ERC2: variants seen among roughly 807,000 people sequenced by gnomAD.
ERC2 encodes ELKS/RAB6-interacting/CAST family member 2.
Under a neutral mutation model 114.8 loss-of-function variants are expected in ERC2, and 42 were observed. The ratio of observed to expected loss-of-function variants is 0.37; its 90% CI spans 0.29 to 0.47. The LOEUF is 0.47. Ranked by LOEUF, ERC2 falls within the 20% of genes least tolerant of loss-of-function variation. ERC2 has a pLI of 0.99. For synonymous variants in ERC2, 454 were observed against 425.5 expected (o/e 1.07, Z -0.82); for missense variants, 939 against 1,150.7 (o/e 0.82, Z 2.66).
chr3:56,261,379 T>C (rs1176319852), intron 3 of ERC2, among the ~76,000 whole-genome samples: 1 of 152,234 alleles, frequency 6.6e-6, no homozygotes, highest in Non-Finnish European at 1.5e-5. Flanking sequence ...CACTGTCTAG[T>C]GGACAGTCAA....
chr3:56,191,324 A>C (rs182957540), intron 3 of ERC2, among the ~76,000 whole-genome samples: 1 of 152,236 alleles, frequency 6.6e-6, no homozygotes, highest in East Asian at 1.9e-4. Flanking sequence ...CCCCTGGAGG[A>C]GGCACACTGC....
At chr3:56,290,058 T>G (rs1472349363) in intron 3 of ERC2, among the ~76,000 whole-genome samples, 2 of 152,194 alleles carry the variant, frequency 1.3e-5, no homozygotes, top group Non-Finnish European at 2.9e-5. Flanking sequence ...AAATTGCCAC[T>G]GATACTCCCA....
At chr3:56,202,623 A>C (rs531071134) in intron 3 of ERC2, among the ~76,000 whole-genome samples, 40 of 152,134 alleles carry the variant, frequency 2.6e-4, no homozygotes, top group African/African-American at 8.9e-4. Context: ...ATACATTGTG[A>C]AATGATTGTC....
At chr3:55,952,136 A>AACACACACAC (rs778299355) in intron 12 of ERC2, among the ~76,000 whole-genome samples, 24 of 75,422 alleles carry the variant, frequency 3.2e-4, no homozygotes, top group African/African-American at 6.0e-4. Context: ...CCATCTCTAA[A>AACACACACAC]ACACACACAC....
intron 14 of ERC2, among the ~76,000 whole-genome samples, chr3:55,836,024 T>C (rs977600562): frequency 1.3e-5 from 2 of 150,746 alleles, no homozygotes; most frequent in African/African-American, 4.9e-5. Context: ...GAGAATAAAA[T>C]ACCTAGGACT....
chr3:55,982,047 A>T (rs1218178765), intron 12 of ERC2, among the ~76,000 whole-genome samples: 1 of 152,206 alleles, frequency 6.6e-6, no homozygotes, highest in Non-Finnish European at 1.5e-5. Context: ...GTACAGGAAG[A>T]ACCAGAGGCA....
chr3:55,939,411 G>T (rs999311535), intron 13 of ERC2, among the ~76,000 whole-genome samples: 3 of 152,200 alleles, frequency 2.0e-5, no homozygotes, highest in Non-Finnish European at 2.9e-5. Context: ...GGCTCCCTTT[G>T]TCAAGTGATT....
At chr3:55,865,372 C>T (rs2062253425) in intron 14 of ERC2, among the ~76,000 whole-genome samples, 2 of 152,124 alleles carry the variant, frequency 1.3e-5, no homozygotes, top group African/African-American at 2.4e-5. Context: ...TCCTTTCAAA[C>T]AGGCTGTATA....
intron 15 of ERC2, among the ~76,000 whole-genome samples, chr3:55,722,625 G>C (rs2064644228): frequency 6.6e-6 from 1 of 152,026 alleles, no homozygotes; most frequent in Non-Finnish European, 1.5e-5. Flanking sequence ...TGTCTGTTTT[G>C]TTCACTGTTG....
intron 15 of ERC2, among the ~76,000 whole-genome samples, chr3:55,702,593 G>A (rs187205799): frequency 1.3e-5 from 2 of 151,474 alleles, no homozygotes; most frequent in East Asian, 1.9e-4. Context: ...CAATTATACC[G>A]GTTTACACAT....
intron 7 of ERC2, among the ~76,000 whole-genome samples, chr3:56,044,580 C>G (rs2149670002): frequency 6.6e-6 from 1 of 152,080 alleles, no homozygotes. Context: ...CTTCAGTACT[C>G]AAGAAACTAT....
intron 14 of ERC2, among the ~76,000 whole-genome samples, chr3:55,856,312 G>C (rs769462175): frequency 4.6e-5 from 7 of 152,134 alleles, no homozygotes; most frequent in Non-Finnish European, 1.0e-4. Flanking sequence ...CCAGAGAAGG[G>C]TTTGAAAGAG....
chr3:55,771,167 G>A (rs556294750), intron 14 of ERC2, among the ~76,000 whole-genome samples: 94 of 152,252 alleles, frequency 6.2e-4, no homozygotes, highest in South Asian at 1.7e-3. Context: ...ACCCAGTAAT[G>A]GGATTGCTGG....
chr3:56,334,811 G>GT (rs1213458173), intron 2 of ERC2, among the ~76,000 whole-genome samples: 1 of 152,070 alleles, frequency 6.6e-6, no homozygotes, highest in Non-Finnish European at 1.5e-5. Context: ...TTGTTTGTTT[G>GT]TTTGTTTGTT....
chr3:56,167,760 C>T (rs2082398858), intron 4 of ERC2, among the ~76,000 whole-genome samples: 2 of 152,106 alleles, frequency 1.3e-5, no homozygotes, highest in African/African-American at 2.4e-5. Context: ...CAAGTTATCA[C>T]ACCAGGCTGT....
At chr3:56,053,797 T>A (rs1037041044) in intron 7 of ERC2, among the ~76,000 whole-genome samples, 1 of 149,904 alleles carries the variant, frequency 6.7e-6, no homozygotes. Context: ...GAAGTTGACT[T>A]TTTTTTTTTA....
intron 14 of ERC2, among the ~76,000 whole-genome samples, chr3:55,841,210 T>A (rs2061117030): frequency 6.6e-6 from 1 of 152,206 alleles, no homozygotes; most frequent in Non-Finnish European, 1.5e-5. Context: ...AACCCAAATG[T>A]CATCTTGAAT....
At chr3:56,073,562 C>G (rs2076839091) in intron 7 of ERC2, among the ~76,000 whole-genome samples, 1 of 152,156 alleles carries the variant, frequency 6.6e-6, no homozygotes, top group Non-Finnish European at 1.5e-5. Flanking sequence ...CCTGGGACAC[C>G]AGGCTAGTTC....
At chr3:55,949,825 A>G (rs148162269) in intron 13 of ERC2, among the ~76,000 whole-genome samples, 4 of 152,352 alleles carry the variant, frequency 2.6e-5, no homozygotes, top group African/African-American at 9.6e-5. Context: ...TATTGAGTAC[A>G]TGGGGAGCAC....
Sources: gnomAD v4.1 joint callset for allele counts (sites outside exome capture counted in the v4.1 genomes callset) on GRCh38, gnomAD v4.1.1 for gene constraint, MANE v1.5 for transcripts, NCBI Gene and HGNC (gene_info 2026-07-23, HGNC 2026-07-21) for gene names.